Variants in PACSIN2 observed in about 807,000 individuals in gnomAD.
PACSIN2 encodes the protein protein kinase C and casein kinase substrate in neurons protein 2.
PACSIN2 carries 25 observed loss-of-function variants against 63.8 expected under a neutral mutation model. That is an observed-to-expected ratio of 0.39 (90% CI 0.29 to 0.55). The LOEUF (loss-of-function observed/expected upper bound fraction) is 0.55, where lower values mean the gene tolerates loss of function less well. PACSIN2 is among the 20% of genes least tolerant of loss of function. The pLI is 0.62. For missense variants in PACSIN2, 518 were observed against 646.9 expected (o/e 0.80, Z 2.16); for synonymous variants, 255 against 256.2 (o/e 1.00, Z 0.05).
intron 5 of PACSIN2, 75 bp downstream of exon 5, chr22:42,888,568 C>T (rs1929658832): frequency 6.9e-7 from 1 of 1,453,544 alleles, no homozygotes; most frequent in African/African-American, 1.4e-5. Context: ...CAAGCAGTTA[C>T]AGAAGGCTAT....
chr22:42,945,196 C>G (rs150682296), intron 1 of PACSIN2, among the ~76,000 whole-genome samples: 2 of 146,174 alleles, frequency 1.4e-5, no homozygotes, highest in Non-Finnish European at 1.5e-5. Context: ...ACTAGATGTA[C>G]GCACCGGCAA....
intron 1 of PACSIN2, among the ~76,000 whole-genome samples, chr22:42,993,127 T>C (rs1160364415): frequency 6.6e-6 from 1 of 151,640 alleles, no homozygotes; most frequent in Non-Finnish European, 1.5e-5. Context: ...TGAGTCGAGA[T>C]TGCACCACTG....
At chr22:42,980,172 A>C (rs1921984875) in intron 1 of PACSIN2, among the ~76,000 whole-genome samples, 1 of 152,204 alleles carries the variant, frequency 6.6e-6, no homozygotes. Flanking sequence ...CTATAATTCC[A>C]CATTCATGTT....
intron 1 of PACSIN2, among the ~76,000 whole-genome samples, chr22:42,996,757 G>A (rs1388502621): frequency 1.3e-5 from 2 of 152,090 alleles, no homozygotes; most frequent in Non-Finnish European, 2.9e-5. Flanking sequence ...TGAATTTTTT[G>A]TTGGTATTTC....
rs114084454 is a variant in PACSIN2, at chr22:42,969,647, G to C, written c.-78+45374C>G. ...CTCCTACGTAGTTTCTACGTAGAAAGTAGAAACTAGGTCAGGCACAGTGGT... is the reference window on the plus strand; with the variant it reads ...CTCCTACGTAGTTTCTACGTAGAAACTAGAAACTAGGTCAGGCACAGTGGT... On this transcript the variant is annotated intron_variant, in intron 1 of 10. Coordinates refer to ENST00000263246, the MANE Select transcript of PACSIN2 (RefSeq NM_001184970.3). 5.5e-3 allele frequency among the ~76,000 whole-genome samples: 831 copies of C among 152,250 alleles called. 6 individuals carry two copies. The highest frequency in any genetic ancestry group is 0.018 in the African/African-American group (761 of 41,538).
intron 1 of PACSIN2, among the ~76,000 whole-genome samples, chr22:43,003,647 G>T (rs1481775901): frequency 2.0e-5 from 3 of 152,194 alleles, no homozygotes; most frequent in African/African-American, 7.2e-5. Flanking sequence ...ATATACCTGA[G>T]CAAATGCTCT....
At chr22:42,987,569 T>TC (rs1922724171) in intron 1 of PACSIN2, among the ~76,000 whole-genome samples, 2 of 125,556 alleles carry the variant, frequency 1.6e-5, no homozygotes. Context: ...TCTCACTCTG[T>TC]CACCCAGGCT....
At chr22:42,952,139 T>G (rs1360914137) in intron 1 of PACSIN2, among the ~76,000 whole-genome samples, 5 of 152,172 alleles carry the variant, frequency 3.3e-5, no homozygotes, top group African/African-American at 1.2e-4. Flanking sequence ...AGAATGTAGG[T>G]TCCTTATGCA....
intron 1 of PACSIN2, among the ~76,000 whole-genome samples, chr22:42,971,061 A>G (rs2146866709): frequency 6.6e-6 from 1 of 152,330 alleles, no homozygotes; most frequent in South Asian, 2.1e-4. Context: ...CAATGAAAGG[A>G]GGTGGCATTA....
rs915763734 is a variant in PACSIN2 at position 42,910,765 on chromosome 22, C to T, written c.60+1256G>A. On this transcript the variant is annotated intron_variant, in intron 2 of 10. Coordinates refer to ENST00000263246, the MANE Select transcript of PACSIN2 (RefSeq NM_001184970.3). ...ACCCCTCCAGAAGGATGCCACCAGC[C>T]GAGGGGTGGCAGCAGAGAGGACCTG... Among the ~76,000 whole-genome samples, 8 of 152,140 alleles carry T rather than the reference C, an allele frequency of 5.3e-5. No homozygotes were observed. In the East Asian group the frequency reaches 5.8e-4, roughly 11 times the overall value.
chr22:42,981,964 T>C (rs1451230547), intron 1 of PACSIN2, among the ~76,000 whole-genome samples: 2 of 59,486 alleles, frequency 3.4e-5, no homozygotes, highest in Admixed American at 1.4e-4. Flanking sequence ...GAGGAGCCCC[T>C]CTGCCCGGCC....
In PACSIN2 at chr22:42,982,888, A is replaced by AAAAAAAAAAAAAAAAC. The variant is rs759532303; in HGVS notation, c.-78+32132_-78+32133insGTTTTTTTTTTTTTTT. Among the ~76,000 whole-genome samples, 809 of 104,412 alleles carry AAAAAAAAAAAAAAAAC rather than the reference A, an allele frequency of 7.7e-3. 36 individuals are homozygous for AAAAAAAAAAAAAAAAC. Among genetic ancestry groups the AAAAAAAAAAAAAAAAC allele is most frequent in the Middle Eastern group, 0.015 (3 of 202 alleles). 68.5% of individuals were successfully genotyped at this position (104,412 alleles called of 152,430 possible). ...GATCAATAAAAAAAAAAAAAAAAAA[A>AAAAAAAAAAAAAAAAC]AACAACAACAAGGCTAGGAGCAGTG... On this transcript the variant is annotated intron_variant, in intron 1 of 10. Transcript: ENST00000263246.
intron 1 of PACSIN2, among the ~76,000 whole-genome samples, chr22:42,970,329 C>A (rs994560215): frequency 6.6e-6 from 1 of 152,192 alleles, no homozygotes; most frequent in Non-Finnish European, 1.5e-5. Context: ...AATTCATCCA[C>A]CAATCTAATA....
At chr22:43,003,891 G>A (rs1057466444) in intron 1 of PACSIN2, among the ~76,000 whole-genome samples, 4 of 152,098 alleles carry the variant, frequency 2.6e-5, no homozygotes, top group Non-Finnish European at 5.9e-5. Context: ...AGTCACCCAC[G>A]GCCTTGACCG....
At chr22:42,886,070 T>C (rs1246376227) in intron 5 of PACSIN2, among the ~76,000 whole-genome samples, 18 of 151,904 alleles carry the variant, frequency 1.2e-4, no homozygotes, top group East Asian at 1.9e-4. Flanking sequence ...CAAGACACAA[T>C]AGCCTCCCGG....
chr22:42,948,397 C>T (rs1569311104), intron 1 of PACSIN2, among the ~76,000 whole-genome samples: 1 of 152,182 alleles, frequency 6.6e-6, no homozygotes. Flanking sequence ...AGGTCACACC[C>T]ATCAGAAGCG....
intron 1 of PACSIN2, among the ~76,000 whole-genome samples, chr22:42,968,574 T>C (rs1363401851): frequency 6.6e-6 from 1 of 152,182 alleles, no homozygotes; most frequent in East Asian, 1.9e-4. Flanking sequence ...TAGGAAAACC[T>C]AGAAACCTAG....
rs568073301 is a variant in PACSIN2, at chr22:42,935,388, C to T, written c.-77-23231G>A. Reference sequence around the variant, plus strand: ...GTGGGGGGAAGAAGGCTCTCCTGCACAGACTGCCCCTCTTCCACATGTGCG... The same window carrying T: ...GTGGGGGGAAGAAGGCTCTCCTGCATAGACTGCCCCTCTTCCACATGTGCG... On this transcript the variant is annotated intron_variant, in intron 1 of 10. Coordinates refer to ENST00000263246, the MANE Select transcript of PACSIN2 (RefSeq NM_001184970.3). 1.3e-4 allele frequency among the ~76,000 whole-genome samples: 20 copies of T among 152,266 alleles called. No individual in the cohort carries two copies. The East Asian group carries it at 3.1e-3, about 24-fold the overall frequency.
chr22:42,958,385 C>T (rs997746882), intron 1 of PACSIN2, among the ~76,000 whole-genome samples: 10 of 152,114 alleles, frequency 6.6e-5, no homozygotes, highest in African/African-American at 1.9e-4. Flanking sequence ...GGTGGGCAAA[C>T]GGGTCTCAAA....
Sources: gnomAD v4.1 joint callset for allele counts (sites outside exome capture counted in the v4.1 genomes callset) on GRCh38, gnomAD v4.1.1 for gene constraint, MANE v1.5 for transcripts, NCBI Gene and HGNC (gene_info 2026-07-23, HGNC 2026-07-21) for gene names.